The following TENM2 variants were observed in gnomAD, a reference collection of about 807,000 sequenced individuals.
The protein encoded by TENM2 is teneurin transmembrane protein 2, also known as teneurin-2.
In TENM2, 52 loss-of-function variants were observed where a neutral mutation model predicts 245.2. The ratio of observed to expected loss-of-function variants is 0.21; its 90% CI spans 0.17 to 0.27. The LOEUF is 0.27. Among genes scored for constraint, TENM2 ranks in the 10% least tolerant of loss-of-function variants. TENM2 has a pLI of 1.00. For synonymous variants in TENM2, 1,363 were observed against 1,438.9 expected, an observed-to-expected ratio of 0.95 and a Z score of 1.19; for missense variants, 3,046 against 3,666.8, an observed-to-expected ratio of 0.83 and a Z score of 4.37.
chr5:167,923,777 G>A (rs757102946), intron 3 of TENM2, among the ~76,000 whole-genome samples: 33 of 152,090 alleles, frequency 2.2e-4, no homozygotes, highest in Non-Finnish European at 4.3e-4. Flanking sequence ...GGAGAGTTGG[G>A]CATTAACTCT....
the TENM2 span, among the ~76,000 whole-genome samples, chr5:167,012,657 A>G: frequency 6.6e-6 from 1 of 152,188 alleles, no homozygotes; most frequent in Non-Finnish European, 1.5e-5. Context: ...CAGTATGTGC[A>G]CTGCACAAAG....
chr5:167,857,333 G>C (rs1433128646), intron 2 of TENM2, among the ~76,000 whole-genome samples: 1 of 152,174 alleles, frequency 6.6e-6, no homozygotes, highest in East Asian at 1.9e-4. Context: ...AATTATTTGA[G>C]AATTGCTACA....
chr5:167,519,928 A>T (rs1256837230), intron 2 of TENM2, among the ~76,000 whole-genome samples: 2 of 152,218 alleles, frequency 1.3e-5, no homozygotes, highest in Non-Finnish European at 2.9e-5. Flanking sequence ...AAGACAAATC[A>T]TTTCAGATGT....
In TENM2 at chr5:167,525,842, A is replaced by G. The variant is rs942728263; in HGVS notation, c.502+150369A>G. ...AGCAAGTAGTGAAACCTGCATTCCT[A>G]ACGACTATCTTCATTTGTTATGTGA... On this transcript the variant is annotated intron_variant, in intron 2 of 28. Coordinates refer to ENST00000518659, the Ensembl canonical transcript of TENM2. 5.6e-4 allele frequency among the ~76,000 whole-genome samples: 85 copies of G among 152,164 alleles called. 3 individuals are homozygous for G. Among genetic ancestry groups the G allele is most frequent in the Non-Finnish European group, 7.4e-5 (5 of 68,018 alleles).
the TENM2 span, among the ~76,000 whole-genome samples, chr5:167,222,535 G>A: frequency 2.0e-5 from 3 of 152,138 alleles, no homozygotes; most frequent in Non-Finnish European, 4.4e-5. Context: ...ACTTAGAGGA[G>A]GACATTGCCT....
intron 1 of TENM2, among the ~76,000 whole-genome samples, chr5:167,289,567 C>G (rs1371406310): frequency 1.3e-5 from 2 of 152,172 alleles, no homozygotes; most frequent in Admixed American, 6.5e-5. Flanking sequence ...CTTTAAAAAG[C>G]ATGTAAACAA....
the TENM2 span, among the ~76,000 whole-genome samples, chr5:167,001,636 G>T: frequency 0.14 from 20,624 of 151,588 alleles, 1,862 homozygotes; most frequent in Non-Finnish European, 0.19. Context: ...TCAAGTTTTA[G>T]GCTTTTGCAA....
At chr5:168,238,248 A>AG (rs1217026415) in intron 25 of TENM2, among the ~76,000 whole-genome samples, 3 of 145,058 alleles carry the variant, frequency 2.1e-5, no homozygotes, top group African/African-American at 7.8e-5. Flanking sequence ...AGAAAAGAAA[A>AG]GAAAAGAAAA....
chr5:167,930,772 A>T (rs533944214), intron 3 of TENM2, among the ~76,000 whole-genome samples: 87 of 120,156 alleles, frequency 7.2e-4, no homozygotes, highest in African/African-American at 1.3e-3. Context: ...TTTTTTTTTT[A>T]AAAAAGCATG....
chr5:167,271,450 A>G, the TENM2 span, among the ~76,000 whole-genome samples: 1 of 152,040 alleles, frequency 6.6e-6, no homozygotes, highest in African/African-American at 2.4e-5. Flanking sequence ...TGGACTGGAG[A>G]GGGGGAAAAA....
rs201000340 is a variant in TENM2, at chr5:167,839,650, TA to T, written c.503-36334del. On this transcript the variant is annotated intron_variant, in intron 2 of 28. Coordinates refer to ENST00000518659, the Ensembl canonical transcript of TENM2. ...TGCCCTGTCTTCCAATATAATGACC[TA>T]ATTTCTATTGATATTGAAAATATAC... Among the ~76,000 whole-genome samples, 856 of 152,304 alleles carry T rather than the reference TA, an allele frequency of 5.6e-3. 9 individuals are homozygous for T. Among genetic ancestry groups the T allele is most frequent in the African/African-American group, 0.02 (823 of 41,568 alleles).
chr5:168,165,648 A>ACCCCCCCCCCCCCCCCCC (rs34203413), intron 13 of TENM2, among the ~76,000 whole-genome samples: 5 of 30,944 alleles, frequency 1.6e-4, no homozygotes, highest in Non-Finnish European at 2.2e-4. Flanking sequence ...CCCCCCCCCA[A>ACCCCCCCCCCCCCCCCCC]CCCCCCCCCC....
intron 2 of TENM2, among the ~76,000 whole-genome samples, chr5:167,814,791 A>G (rs764596634): frequency 6.6e-6 from 1 of 152,130 alleles, no homozygotes; most frequent in Admixed American, 6.6e-5. Context: ...AGTCAGAAAC[A>G]ATAAGTCAAG....
chr5:167,971,700 AAAACAAAC>A (rs10535717), intron 4 of TENM2, among the ~76,000 whole-genome samples: 1 of 150,918 alleles, frequency 6.6e-6, no homozygotes, highest in East Asian at 2.0e-4. Flanking sequence ...GACTCCATCT[AAAACAAAC>A]AAACAAACAA....
At chr5:167,038,311 C>G in the TENM2 span, among the ~76,000 whole-genome samples, 2 of 152,164 alleles carry the variant, frequency 1.3e-5, no homozygotes, top group Admixed American at 1.3e-4. Context: ...TCTCTGCTTC[C>G]TTGCTGCAAT....
chr5:168,134,279 T>A (rs183035803), intron 12 of TENM2, among the ~76,000 whole-genome samples: 1 of 152,318 alleles, frequency 6.6e-6, no homozygotes, highest in Admixed American at 6.5e-5. Context: ...GGATACCAAA[T>A]AGCACCTATC....
At chr5:168,085,165 C>T (rs995026937) in intron 7 of TENM2, among the ~76,000 whole-genome samples, 7 of 152,206 alleles carry the variant, frequency 4.6e-5, no homozygotes, top group African/African-American at 1.4e-4. Flanking sequence ...AATGTGATAA[C>T]ACACATCAGC....
At chr5:167,791,267 T>G (rs1035178095) in intron 2 of TENM2, among the ~76,000 whole-genome samples, 2 of 151,848 alleles carry the variant, frequency 1.3e-5, no homozygotes, top group African/African-American at 4.8e-5. Context: ...ACAGAAACTA[T>G]TTTTTATATG....
intron 5 of TENM2, among the ~76,000 whole-genome samples, chr5:168,030,987 T>C (rs1457349394): frequency 6.6e-6 from 1 of 152,162 alleles, no homozygotes; most frequent in Non-Finnish European, 1.5e-5. Flanking sequence ...AGAAGGTTGG[T>C]GGAAATCATT....
Sources: gnomAD v4.1 joint callset for allele counts (sites outside exome capture counted in the v4.1 genomes callset) on GRCh38, gnomAD v4.1.1 for gene constraint, MANE v1.5 for transcripts, NCBI Gene and HGNC (gene_info 2026-07-23, HGNC 2026-07-21) for gene names.